LMCD1: variants seen among roughly 807,000 people sequenced by gnomAD.
LMCD1 encodes LIM and cysteine rich domains 1, also known as LIM and cysteine-rich domains protein 1.
In LMCD1, 32 loss-of-function variants were observed where a neutral mutation model predicts 42.7. The ratio of observed to expected loss-of-function variants is 0.75; its 90% CI spans 0.57 to 1.01. The LOEUF is 1.01. Ranked by LOEUF, LMCD1 falls within the 50% of genes least tolerant of loss-of-function variation. The pLI, the probability that LMCD1 is intolerant of heterozygous loss-of-function variation, is 0.00. For synonymous variants in LMCD1, 178 were observed against 184.9 expected, an observed-to-expected ratio of 0.96 and a Z score of 0.30; for missense variants, 458 against 483.1, an observed-to-expected ratio of 0.95 and a Z score of 0.49.
At chr3:8,506,420 G>T (rs886323009) in intron 1 of LMCD1, among the ~76,000 whole-genome samples, 1 of 152,152 alleles carries the variant, frequency 6.6e-6, no homozygotes, top group African/African-American at 2.4e-5. Context: ...CAAAGGCTGG[G>T]GACCAGGAAG....
rs961998781 is a variant in LMCD1, at chr3:8,568,258, G to A, written c.*660G>A. 2.0e-5 allele frequency: 3 copies of A among 152,092 alleles called. No individual in the cohort carries two copies. The highest frequency in any genetic ancestry group is 7.2e-5 in the African/African-American group (3 of 41,404). The allele number at this position is 152,092 out of a possible 1,614,324, so 9.4% of individuals were successfully genotyped here. A position where few individuals can be genotyped will look rare whatever the true frequency, so the allele number is the denominator to read the frequency against. ...CTTCCACTGGGAGTGTAGGCTTTGG[G>A]ACAGAACCCCCGCCCCACCTGCCTA... is the stretch of plus-strand genomic sequence containing the variant. On this transcript the variant is annotated 3_prime_UTR_variant, in exon 6 of 6. Coordinates refer to ENST00000157600, the MANE Select transcript of LMCD1 (RefSeq NM_014583.4).
At chr3:8,551,352 G>A (rs1971883) in intron 4 of LMCD1, 100,636 of 984,458 alleles carry the variant, frequency 0.1, 5,662 homozygotes, top group South Asian at 0.22. Flanking sequence ...TGCGATTCCA[G>A]TTCCACATTT....
chr3:8,558,196 C>A (rs576206304), intron 4 of LMCD1, among the ~76,000 whole-genome samples: 1 of 152,320 alleles, frequency 6.6e-6, no homozygotes, highest in Admixed American at 6.5e-5. Flanking sequence ...GAATTAAATT[C>A]TATGTTGGTT....
At chr3:8,522,332 G>C (rs1694222129) in intron 1 of LMCD1, among the ~76,000 whole-genome samples, 1 of 152,176 alleles carries the variant, frequency 6.6e-6, no homozygotes, top group South Asian at 2.1e-4. Context: ...TGGTGGCTTG[G>C]AGACTGCAGC....
chr3:8,504,133 T>G (rs1475660103), intron 1 of LMCD1, among the ~76,000 whole-genome samples: 3 of 152,162 alleles, frequency 2.0e-5, no homozygotes, highest in Admixed American at 1.3e-4. Flanking sequence ...CTCTTGGGAC[T>G]GCGACAATCA....
intron 1 of LMCD1, among the ~76,000 whole-genome samples, 200 bp from the exon 2 acceptor site, chr3:8,532,537 A>G (rs1209355091): frequency 6.6e-5 from 10 of 152,116 alleles, no homozygotes; most frequent in East Asian, 1.9e-4. Flanking sequence ...CCCTTCCACA[A>G]TTGCCTACCC....
intron 4 of LMCD1, among the ~76,000 whole-genome samples, chr3:8,555,831 G>T (rs1694926093): frequency 6.8e-6 from 1 of 147,010 alleles, no homozygotes; most frequent in Non-Finnish European, 1.5e-5. Context: ...GGTTTTTCAG[G>T]CCACATGGTC....
At chr3:8,560,418 C>A (rs1161812983) in intron 4 of LMCD1, among the ~76,000 whole-genome samples, 2 of 152,096 alleles carry the variant, frequency 1.3e-5, no homozygotes, top group Non-Finnish European at 2.9e-5. Flanking sequence ...TGCCGGTGCT[C>A]CCCAGACCAA....
chr3:8,553,272 C>T (rs887294687), intron 4 of LMCD1, among the ~76,000 whole-genome samples: 7 of 152,114 alleles, frequency 4.6e-5, no homozygotes, highest in Non-Finnish European at 1.0e-4. Context: ...TGCTGGGGGA[C>T]GTCCTTCCTC....
In LMCD1 at chr3:8,569,307, C is replaced by T. The variant is rs1009641808; in HGVS notation, c.*1709C>T. The T allele has an allele frequency of 4.6e-5, 7 of 152,256 alleles. No individual in the cohort carries two copies. Among genetic ancestry groups the T allele is most frequent in the African/African-American group, 1.7e-4 (7 of 41,456 alleles). The allele number at this position is 152,256 out of a possible 1,614,324, so 9.4% of individuals were successfully genotyped here. A position where few individuals can be genotyped will look rare whatever the true frequency, so the allele number is the denominator to read the frequency against. On this transcript the variant is annotated 3_prime_UTR_variant, in exon 6 of 6. Coordinates refer to ENST00000157600, the MANE Select transcript of LMCD1 (RefSeq NM_014583.4). ...TGAAGACTGGCTACCTGAAGACCAACTCTGGCTGTTGAAATTCTATTCATC... is the reference window on the plus strand; with the variant it reads ...TGAAGACTGGCTACCTGAAGACCAATTCTGGCTGTTGAAATTCTATTCATC...
chr3:8,513,298 T>A (rs1444703777), intron 1 of LMCD1, among the ~76,000 whole-genome samples: 1 of 152,110 alleles, frequency 6.6e-6, no homozygotes, highest in Non-Finnish European at 1.5e-5. Flanking sequence ...CTGGTGTCAG[T>A]TCTTAGCTGA....
At chr3:8,515,562 G>A (rs1436507000) in intron 1 of LMCD1, among the ~76,000 whole-genome samples, 1 of 152,188 alleles carries the variant, frequency 6.6e-6, no homozygotes, top group African/African-American at 2.4e-5. Flanking sequence ...TCCATGTTAT[G>A]CTCCTTGAGA....
At chr3:8,509,847 C>G (rs564129002) in intron 1 of LMCD1, among the ~76,000 whole-genome samples, 75 of 152,272 alleles carry the variant, frequency 4.9e-4, no homozygotes, top group African/African-American at 1.8e-3. Flanking sequence ...TGGGAAGAAA[C>G]CACCAGTGGC....
rs1341011668 is a variant in LMCD1 at position 8,532,820 on chromosome 3, A to G, written c.126A>G (p.Ser42=). 8.1e-6 allele frequency: 13 copies of G among 1,613,396 alleles called. No individual in the cohort carries two copies. The South Asian group carries it at 8.8e-5, about 11-fold the overall frequency. ...KGTCSGFEPH[S]WRKICKSCKC... ...CGTGTTCGGGCTTCGAGCCACATTC[A>G]TGGAGGTAACAGATTTTGTCAGGAG... Residue 42 remains serine (S), a synonymous_variant, in exon 2 of 6, where the codon TCA becomes TCG. Coordinates refer to ENST00000157600, the MANE Select transcript of LMCD1 (RefSeq NM_014583.4).
At chr3:8,543,499 A>G (rs911707783) in intron 3 of LMCD1, among the ~76,000 whole-genome samples, 4 of 152,212 alleles carry the variant, frequency 2.6e-5, no homozygotes, top group Non-Finnish European at 4.4e-5. Context: ...AGACAGATAG[A>G]TAGATAGATT....
chr3:8,566,753 C>T (rs1166491513), intron 5 of LMCD1, among the ~76,000 whole-genome samples: 1 of 152,212 alleles, frequency 6.6e-6, no homozygotes, highest in African/African-American at 2.4e-5. Flanking sequence ...ATAGCCCTGA[C>T]TTTGTGTCAG....
intron 3 of LMCD1, among the ~76,000 whole-genome samples, chr3:8,538,816 G>A (rs555457270): frequency 1.3e-4 from 20 of 152,246 alleles, no homozygotes; most frequent in East Asian, 3.9e-4. Context: ...CCTGTAAACC[G>A]TAACATCCCT....
At chr3:8,550,723 T>A in intron 4 of LMCD1, 1 of 964,684 alleles carries the variant, frequency 1.0e-6, no homozygotes, top group South Asian at 4.8e-5. Context: ...GTCTATAAAC[T>A]GGTCTTTTCC....
chr3:8,563,311 C>T (rs1231879707), intron 4 of LMCD1, among the ~76,000 whole-genome samples: 1 of 152,222 alleles, frequency 6.6e-6, no homozygotes, highest in Non-Finnish European at 1.5e-5. Context: ...AGTCTCACAT[C>T]TGAAGAATGA....
Sources: allele counts gnomAD v4.1 joint callset (sites outside exome capture counted in the v4.1 genomes callset), GRCh38; gene constraint gnomAD v4.1.1; transcripts MANE v1.5; gene names NCBI Gene and HGNC (gene_info 2026-07-23, HGNC 2026-07-21).